Variants in CENPE observed in about 807,000 individuals in gnomAD.
CENPE encodes centromere protein E.
Under a neutral mutation model 336.1 loss-of-function variants are expected in CENPE, and 145 were observed. The ratio of observed to expected loss-of-function variants is 0.43; its 90% CI spans 0.38 to 0.50. The LOEUF is 0.50. Among genes scored for constraint, CENPE ranks in the 20% least tolerant of loss-of-function variants. CENPE has a pLI of 0.00. For missense variants in CENPE, 2,719 were observed against 3,023.3 expected (o/e 0.90, Z 2.36); for synonymous variants, 1,013 against 984.8 (o/e 1.03, Z -0.54).
intron 35 of CENPE, 40 bp from the exon 36 acceptor site, chr4:103,141,144 A>T: frequency 8.5e-7 from 1 of 1,174,838 alleles, no homozygotes; most frequent in Non-Finnish European, 1.2e-6. Flanking sequence ...GTGGCTTTTT[A>T]GGGACAGATA....
chr4:103,176,827 C>A, intron 14 of CENPE, 72 bp downstream of exon 14: 1 of 1,109,230 alleles, frequency 9.0e-7, no homozygotes, highest in Non-Finnish European at 1.3e-6. Context: ...ATTAACTGAG[C>A]TATAAACATA....
chr4:103,120,059 G>C (rs1028956979), intron 44 of CENPE, 89 bp downstream of exon 44: 39 of 904,506 alleles, frequency 4.3e-5, no homozygotes, highest in Admixed American at 6.2e-5. Flanking sequence ...TGTTGTGAGA[G>C]GGAAGAATAG....
chr4:103,136,483 C>G, intron 39 of CENPE, 124 bp from the exon 40 acceptor site: 1 of 577,246 alleles, frequency 1.7e-6, no homozygotes, highest in Non-Finnish European at 2.8e-6. Context: ...GAAATAAAGA[C>G]CTTTGTGTCT....
rs896714230 is a variant in CENPE at position 103,144,713 on chromosome 4, A to T, written c.4858-95T>A. On this transcript the variant is annotated intron_variant, in intron 32 of 48. Transcript: ENST00000265148. ...AATAAGGCAATCATTTTTACATTGT[A>T]ATCTAATGTATGTAGTACTTTCTTT... 7 of 795,932 alleles carry T rather than the reference A, an allele frequency of 8.8e-6. No individual in the cohort carries two copies. The African/African-American group carries it at 1.0e-4, about 12-fold the overall frequency. The allele number at this position is 795,932 out of a possible 1,614,324, so 49.3% of individuals were successfully genotyped here.
rs1008772916 is a variant in CENPE, at chr4:103,112,224, G to A, written c.7541-1213C>T. Among the ~76,000 whole-genome samples the A allele has an allele frequency of 2.0e-5, 3 of 147,110 alleles. 1 individual carries two copies. Among genetic ancestry groups the A allele is most frequent in the Admixed American group, 1.4e-4 (2 of 14,602 alleles). ...TAATATACAGAATTCTATATATTCT[G>A]TAAATATATAAGTATTATATATAAT... On this transcript the variant is annotated intron_variant, in intron 46 of 48. Coordinates refer to ENST00000265148, the MANE Select transcript of CENPE (RefSeq NM_001813.3).
At chr4:103,120,838 C>T (rs1035335751) in intron 43 of CENPE, among the ~76,000 whole-genome samples, 2 of 151,932 alleles carry the variant, frequency 1.3e-5, no homozygotes, top group African/African-American at 2.4e-5. Context: ...TGGATTCAAG[C>T]GATTGTCCTG....
chr4:103,109,556 T>C (rs1483184883), intron 47 of CENPE, among the ~76,000 whole-genome samples: 2 of 152,154 alleles, frequency 1.3e-5, no homozygotes, highest in African/African-American at 4.8e-5. Flanking sequence ...TTTATCCAGT[T>C]CCTCCGGAGA....
At chr4:103,161,500 C>G (rs773746249) in intron 18 of CENPE, 43 bp from the exon 19 acceptor site, 19 of 1,518,602 alleles carry the variant, frequency 1.3e-5, no homozygotes, top group Non-Finnish European at 1.7e-5. Flanking sequence ...CTAATTTTCA[C>G]AGAGTTGGAA....
intron 47 of CENPE, 59 bp downstream of exon 47, chr4:103,110,769 T>A (rs1749335554): frequency 2.3e-6 from 3 of 1,328,632 alleles, no homozygotes; most frequent in Non-Finnish European, 3.1e-6. Flanking sequence ...ATATACCATG[T>A]CCCTACATAT....
intron 3 of CENPE, 33 bp from the exon 4 acceptor site, chr4:103,196,071 TA>T (rs767629678): frequency 1.9e-6 from 3 of 1,594,278 alleles, no homozygotes; most frequent in Non-Finnish European, 1.7e-6. Flanking sequence ...ACGCAAAGAT[TA>T]AAAACAAACC....
At chr4:103,157,125 T>A (rs912081780) in intron 24 of CENPE, among the ~76,000 whole-genome samples, 23 of 150,774 alleles carry the variant, frequency 1.5e-4, no homozygotes, top group African/African-American at 5.4e-4. Flanking sequence ...CCAGAACACT[T>A]CTGTCCTGTT....
At chr4:103,129,880 A>G (rs1175835961) in intron 42 of CENPE, among the ~76,000 whole-genome samples, 3 of 152,252 alleles carry the variant, frequency 2.0e-5, no homozygotes, top group South Asian at 2.1e-4. Context: ...TTAACATTCA[A>G]AAATCAATTA....
chr4:103,115,364 C>G (rs1429431499), intron 45 of CENPE, among the ~76,000 whole-genome samples: 1 of 152,108 alleles, frequency 6.6e-6, no homozygotes. Context: ...AAATTCCTGA[C>G]CTCAGGTGAT....
At chr4:103,162,067 T>C (rs996712963) in intron 18 of CENPE, among the ~76,000 whole-genome samples, 2 of 152,098 alleles carry the variant, frequency 1.3e-5, no homozygotes, top group Non-Finnish European at 2.9e-5. Flanking sequence ...AAAGAAATAG[T>C]AATTTTTAAA....
intron 35 of CENPE, among the ~76,000 whole-genome samples, chr4:103,141,315 A>C (rs1374728799): frequency 6.6e-6 from 1 of 152,120 alleles, no homozygotes; most frequent in Non-Finnish European, 1.5e-5. Context: ...CACAGGTGTA[A>C]ATCTATGAAA....
intron 39 of CENPE, among the ~76,000 whole-genome samples, chr4:103,136,660 C>T (rs575186201): frequency 2.6e-5 from 4 of 152,236 alleles, no homozygotes; most frequent in African/African-American, 9.6e-5. Flanking sequence ...TGATATGAAT[C>T]AACATTGACA....
At chr4:103,139,511 C>T (rs868539856) in intron 38 of CENPE, among the ~76,000 whole-genome samples, 3 of 151,864 alleles carry the variant, frequency 2.0e-5, no homozygotes, top group Non-Finnish European at 2.9e-5. Context: ...TAGAATAATG[C>T]TATCTCTTGA....
chr4:103,140,759 A>T, intron 36 of CENPE, 55 bp downstream of exon 36: 1 of 1,456,972 alleles, frequency 6.9e-7, no homozygotes. Flanking sequence ...TGAACACTGT[A>T]TTTTTGCCCA....
At chr4:103,146,208 G>A (rs2125930013) in intron 29 of CENPE, 101 bp from the exon 30 acceptor site, 1 of 1,043,772 alleles carries the variant, frequency 9.6e-7, no homozygotes, top group African/African-American at 1.6e-5. Context: ...GCAGGATTCA[G>A]TGCCTCATTT....
Sources: gnomAD v4.1 joint callset for allele counts (sites outside exome capture counted in the v4.1 genomes callset) on GRCh38, gnomAD v4.1.1 for gene constraint, MANE v1.5 for transcripts, NCBI Gene and HGNC (gene_info 2026-07-23, HGNC 2026-07-21) for gene names.